THOC7: variants seen among roughly 807,000 people sequenced by gnomAD.
THOC7 encodes the protein THO complex subunit 7.
A neutral mutation model predicts 33.1 loss-of-function variants in THOC7; 22 were observed. The observed-to-expected ratio is 0.66, with a 90% CI of 0.47 to 0.95. The LOEUF (loss-of-function observed/expected upper bound fraction) is 0.95, where lower values mean the gene tolerates loss of function less well. Ranked by LOEUF, THOC7 falls within the 40% of genes least tolerant of loss-of-function variation. The pLI, the probability that THOC7 is intolerant of heterozygous loss-of-function variation, is 0.00. For missense variants in THOC7, 184 were observed against 245.3 expected (o/e 0.75, Z 1.67); for synonymous variants, 77 against 76.8 (o/e 1.00, Z -0.01).
At chr3:63,864,316 T>G (rs1312182484), upstream of THOC7, among the ~76,000 whole-genome samples, 108 of 112,442 alleles carry the variant, frequency 9.6e-4, no homozygotes, top group African/African-American at 1.1e-3. Flanking sequence ...CCCTGGGGGG[T>G]GGGGAGGGTG....
intron 1 of THOC7, among the ~76,000 whole-genome samples, chr3:63,859,956 C>A (rs930600811): frequency 6.6e-6 from 1 of 152,128 alleles, no homozygotes; most frequent in African/African-American, 2.4e-5. Flanking sequence ...CCACCTAAAC[C>A]ACATTGTCCA....
chr3:63,851,380 T>G (rs1282623079), intron 1 of THOC7, among the ~76,000 whole-genome samples: 1 of 152,206 alleles, frequency 6.6e-6, no homozygotes, highest in Non-Finnish European at 1.5e-5. Flanking sequence ...AAGGGAAAAC[T>G]GTCAAATAAA....
Position 63,833,996 on chromosome 3 carries a change from T to C in THOC7, c.*136A>G, listed in dbSNP as rs1575800142. ...TTTCCTTTGTGAGAGGAAATATGAA[T>C]GAAATACATTCATACTTAAAAACAG... is the stretch of plus-strand genomic sequence containing the variant. On this transcript the variant is annotated 3_prime_UTR_variant, in exon 8 of 8. Coordinates refer to ENST00000295899, the MANE Select transcript of THOC7 (RefSeq NM_025075.4). 1.3e-6 allele frequency: 1 copy of C among 746,154 alleles called. No homozygotes were observed. The highest frequency in any genetic ancestry group is 2.1e-6 in the Non-Finnish European group (1 of 474,442). The allele number at this position is 746,154 out of a possible 1,614,324, so 46.2% of individuals were successfully genotyped here. A position where few individuals can be genotyped will look rare whatever the true frequency, so the allele number is the denominator to read the frequency against.
intron 1 of THOC7, 64 bp downstream of exon 1, chr3:63,863,707 AG>A: frequency 8.0e-7 from 1 of 1,244,368 alleles, no homozygotes. Flanking sequence ...CCGGGAGGCC[AG>A]GGGTCTCAGG....
At chr3:63,844,797 C>A (rs1701850738) in intron 1 of THOC7, among the ~76,000 whole-genome samples, 1 of 152,146 alleles carries the variant, frequency 6.6e-6, no homozygotes, top group African/African-American at 2.4e-5. Flanking sequence ...GAATTTCCCA[C>A]CCTCTAGAAC....
intron 4 of THOC7, 36 bp from the exon 5 acceptor site, chr3:63,836,394 T>A (rs1701636062): frequency 1.3e-6 from 2 of 1,598,210 alleles, no homozygotes; most frequent in Non-Finnish European, 1.7e-6. Context: ...AACTAAGGAT[T>A]TTTTGAATGT....
chr3:63,842,367 T>C (rs968041277), intron 1 of THOC7, among the ~76,000 whole-genome samples: 3 of 152,130 alleles, frequency 2.0e-5, no homozygotes, highest in African/African-American at 7.2e-5. Context: ...ATTGGTGGAA[T>C]GTAAATTAGT....
At chr3:63,863,722 G>T (rs896569244) in intron 1 of THOC7, 50 bp downstream of exon 1, 1 of 1,248,402 alleles carries the variant, frequency 8.0e-7, no homozygotes, top group Admixed American at 4.2e-5. Context: ...TCTCAGGGGA[G>T]GCCCAGCGGG....
At chr3:63,835,069 T>C (rs1701601598) in intron 7 of THOC7, 85 bp downstream of exon 7, 1 of 1,347,476 alleles carries the variant, frequency 7.4e-7, no homozygotes, top group Admixed American at 2.0e-5. Flanking sequence ...ATACTGTCTC[T>C]CCAAGATGTA....
At chr3:63,850,401 A>G (rs1701995739) in intron 1 of THOC7, among the ~76,000 whole-genome samples, 1 of 150,756 alleles carries the variant, frequency 6.6e-6, no homozygotes. Flanking sequence ...GGGTTTCACC[A>G]TTTTGGCCAG....
intron 1 of THOC7, chr3:63,861,601 C>CT (rs1702214564): frequency 1.3e-5 from 2 of 152,178 alleles, no homozygotes; most frequent in South Asian, 4.1e-4. Flanking sequence ...CTTTGACCCT[C>CT]TATAACTACT....
At chr3:63,858,351 A>G (rs931440537) in intron 1 of THOC7, among the ~76,000 whole-genome samples, 2 of 152,242 alleles carry the variant, frequency 1.3e-5, no homozygotes, top group Non-Finnish European at 2.9e-5. Flanking sequence ...TTACATTATT[A>G]GAAAGTCATA....
At chr3:63,848,106 A>G (rs183912692) in intron 1 of THOC7, among the ~76,000 whole-genome samples, 1 of 152,330 alleles carries the variant, frequency 6.6e-6, no homozygotes, top group East Asian at 1.9e-4. Context: ...TTACTCTGAA[A>G]TATATTTCTT....
intron 1 of THOC7, among the ~76,000 whole-genome samples, chr3:63,845,924 T>C (rs1045994139): frequency 6.6e-6 from 1 of 152,222 alleles, no homozygotes; most frequent in African/African-American, 2.4e-5. Context: ...ATGTTCCACA[T>C]GAAAAAGACT....
chr3:63,856,267 G>A (rs1273613406), intron 1 of THOC7, among the ~76,000 whole-genome samples: 2 of 151,890 alleles, frequency 1.3e-5, no homozygotes, highest in South Asian at 2.1e-4. Context: ...GGTGTGTGGT[G>A]GCAGGGGAGG....
rs74572960 is a variant in THOC7 at position 63,842,187 on chromosome 3, A to C, written c.20-2414T>G. 6.5e-4 allele frequency among the ~76,000 whole-genome samples: 99 copies of C among 152,318 alleles called. 2 individuals are homozygous for C. The East Asian group carries it at 0.017, about 26-fold the overall frequency. The stretch of plus-strand genomic sequence containing the variant: ...ATAGACACTTCTCAAAAGAAGACAT[A>C]CAAATGGCCAACAGGTATATGAAAA... On this transcript the variant is annotated intron_variant, in intron 1 of 7. Transcript: ENST00000295899.
chr3:63,851,212 T>C (rs1056788599), intron 1 of THOC7, among the ~76,000 whole-genome samples: 5 of 152,176 alleles, frequency 3.3e-5, no homozygotes, highest in African/African-American at 4.8e-5. Context: ...GGTATGTCTT[T>C]AGCTGGAACA....
At chr3:63,861,484 C>T (rs112532349) in intron 1 of THOC7, 3,300 of 152,368 alleles carry the variant, frequency 0.022, 38 homozygotes, top group Non-Finnish European at 0.033. Flanking sequence ...TCTTTGCATT[C>T]CCTCTTGGTC....
intron 1 of THOC7, among the ~76,000 whole-genome samples, chr3:63,855,021 A>G (rs1187307889): frequency 6.6e-6 from 1 of 151,864 alleles, no homozygotes; most frequent in East Asian, 1.9e-4. Context: ...AAAAAAAAAA[A>G]GAAAGAAAAG....
Sources: allele counts gnomAD v4.1 joint callset (sites outside exome capture counted in the v4.1 genomes callset), GRCh38; gene constraint gnomAD v4.1.1; transcripts MANE v1.5; gene names NCBI Gene and HGNC (gene_info 2026-07-23, HGNC 2026-07-21).